Variants in NRXN2 observed in about 807,000 individuals in gnomAD.
NRXN2 encodes neurexin-2-beta.
A neutral mutation model predicts 128.8 loss-of-function variants in NRXN2; 29 were observed. The ratio of observed to expected loss-of-function variants is 0.23; its 90% confidence interval spans 0.17 to 0.31. The LOEUF is 0.31. Ranked by LOEUF, NRXN2 falls within the 10% of genes least tolerant of loss-of-function variation. The pLI, the probability that NRXN2 is intolerant of heterozygous loss-of-function variation, is 1.00. For missense variants in NRXN2, 1,881 were observed against 2,452.6 expected, an observed-to-expected ratio of 0.77 and a Z score of 4.92; for synonymous variants, 1,098 against 1,075.2, an observed-to-expected ratio of 1.02 and a Z score of -0.41.
intron 17 of NRXN2, chr11:64,642,460 C>G: frequency 6.7e-7 from 1 of 1,501,032 alleles, no homozygotes; most frequent in Admixed American, 2.1e-5. Flanking sequence ...GTGGGGCCCG[C>G]GGGGGCCCAG....
chr11:64,606,241 TCAGA>T lies in NRXN2; in HGVS notation c.*951_*954del, dbSNP rs2039622609. The T allele has an allele frequency of 6.6e-6, 1 of 152,402 alleles. No individual in the cohort carries two copies. The highest frequency in any genetic ancestry group is 2.4e-5 in the African/African-American group (1 of 41,382). 9.4% of individuals were successfully genotyped at this position (152,402 alleles called of 1,614,324 possible). ...CCGGGGTTGGGGTGTTTTCCAAGAC[TCAGA>T]CACATTTGTTAACAAAGAGAGAAAA... is the stretch of plus-strand genomic sequence containing the variant. On this transcript the variant is annotated 3_prime_UTR_variant, in exon 23 of 23. Transcript: ENST00000265459.
chr11:64,645,437 G>A (rs1253406883), intron 17 of NRXN2, among the ~76,000 whole-genome samples: 1 of 152,172 alleles, frequency 6.6e-6, no homozygotes, highest in African/African-American at 2.4e-5. Flanking sequence ...GGGAGGCAGA[G>A]ATGGTAAGGA....
chr11:64,656,541 G>A (rs1489356641), intron 11 of NRXN2, among the ~76,000 whole-genome samples: 1 of 152,094 alleles, frequency 6.6e-6, no homozygotes, highest in African/African-American at 2.4e-5. Context: ...TTCATGGGGT[G>A]GGGAGGGATG....
Position 64,651,178 on chromosome 11 carries a change from A to G in NRXN2, c.2918+77T>C. Reference sequence around the variant, plus strand: ...GGGGGGATTGGACACCTCGGCCAGTAGCCAGGAGAGCTGTATGTGGTTCAG... The same window carrying G: ...GGGGGGATTGGACACCTCGGCCAGTGGCCAGGAGAGCTGTATGTGGTTCAG... On this transcript the variant is annotated intron_variant, in intron 14 of 22. Coordinates refer to ENST00000265459, the MANE Select transcript of NRXN2 (RefSeq NM_015080.4). The surrounding 1 kb of genome is among the most constrained non-coding windows in gnomAD (Gnocchi z 5.9). 6.3e-7 allele frequency: 1 copy of G among 1,594,118 alleles called. No individual in the cohort carries two copies. Among genetic ancestry groups the G allele is most frequent in the Non-Finnish European group, 8.6e-7 (1 of 1,168,036 alleles).
chr11:64,689,322 G>A (rs780522084), intron 5 of NRXN2, among the ~76,000 whole-genome samples: 1 of 151,442 alleles, frequency 6.6e-6, no homozygotes. Flanking sequence ...CTCCCACCTC[G>A]GCCTCTCATA....
At chr11:64,620,412 G>C (rs2042148133) in intron 21 of NRXN2, 40 bp from the exon 22 acceptor site, 5 of 1,507,972 alleles carry the variant, frequency 3.3e-6, no homozygotes, top group Non-Finnish European at 3.6e-6. Context: ...AGAGGTTCCA[G>C]GCAGGTCAGC....
In NRXN2 at chr11:64,667,816, A is replaced by G; in HGVS notation, c.1360-128T>C. On this transcript the variant is annotated intron_variant, in intron 8 of 22. Coordinates refer to ENST00000265459, the MANE Select transcript of NRXN2 (RefSeq NM_015080.4). This position sits in a 1 kb window ranked among gnomAD's most constrained non-coding sequence, Gnocchi z 5.6. ...TGTAGCCCCTGCTCAGTTCCACCAG[A>G]CCACCCGCTTAGGCCTCTGTTCTAC... is the stretch of plus-strand genomic sequence containing the variant. 1 of 826,932 alleles carries G rather than the reference A, an allele frequency of 1.2e-6. No individual in the cohort carries two copies. Among genetic ancestry groups the G allele is most frequent in the East Asian group, 2.6e-5 (1 of 38,768 alleles). The allele number at this position is 826,932 out of a possible 1,614,324, so 51.2% of individuals were successfully genotyped here.
chr11:64,712,066 C>A (rs983160903), intron 2 of NRXN2, among the ~76,000 whole-genome samples: 1 of 152,202 alleles, frequency 6.6e-6, no homozygotes, highest in African/African-American at 2.4e-5. Flanking sequence ...AAGACTGCGA[C>A]CCACTGTCGA....
chr11:64,652,931 C>G (rs114819524), intron 12 of NRXN2, among the ~76,000 whole-genome samples: 4 of 152,006 alleles, frequency 2.6e-5, no homozygotes, highest in East Asian at 3.8e-4. Context: ...CCTGCCCCCC[C>G]ACCCCGAGGG....
intron 17 of NRXN2, among the ~76,000 whole-genome samples, chr11:64,644,150 A>T (rs917087412): frequency 4.6e-5 from 7 of 152,070 alleles, no homozygotes; most frequent in African/African-American, 1.7e-4. Context: ...CCGTGCACAC[A>T]CACGTTTGAT....
intron 7 of NRXN2, among the ~76,000 whole-genome samples, chr11:64,671,497 T>TC (rs936340873): frequency 3.4e-5 from 5 of 147,490 alleles, no homozygotes; most frequent in African/African-American, 1.3e-4. Flanking sequence ...CCCCCCAACC[T>TC]CCCCCCCACG....
At chr11:64,696,752 C>A (rs568308835) in intron 3 of NRXN2, among the ~76,000 whole-genome samples, 2 of 152,170 alleles carry the variant, frequency 1.3e-5, no homozygotes, top group African/African-American at 4.8e-5. Context: ...TCCCCAGGGA[C>A]GCCCTTGCCC....
chr11:64,633,869 G>T lies in NRXN2; in HGVS notation c.3585+1402C>A, dbSNP rs116168440. ...GTACAGAACTTCCAGGCCTCTTCTTGGGCCTGACTACTGTTCTGCTTGCTA... is the reference window on the plus strand; with the variant it reads ...GTACAGAACTTCCAGGCCTCTTCTTTGGCCTGACTACTGTTCTGCTTGCTA... On this transcript the variant is annotated intron_variant, in intron 18 of 22. Transcript: ENST00000265459. Among the ~76,000 whole-genome samples the T allele has an allele frequency of 5.3e-3, 805 of 151,840 alleles. 8 individuals are homozygous for T. The highest frequency in any genetic ancestry group is 0.019 in the African/African-American group (773 of 41,398).
chr11:64,679,481 CA>C (rs1280556651), intron 6 of NRXN2, among the ~76,000 whole-genome samples: 1 of 151,732 alleles, frequency 6.6e-6, no homozygotes, highest in Non-Finnish European at 1.5e-5. Context: ...ACTAAAAATA[CA>C]AAAAATTAGC....
chr11:64,701,276 G>A (rs992146796), intron 2 of NRXN2, among the ~76,000 whole-genome samples: 1 of 152,272 alleles, frequency 6.6e-6, no homozygotes, highest in South Asian at 2.1e-4. Context: ...AATCCCATCC[G>A]AAATTTGACT....
chr11:64,674,142 G>C (rs2050993331), intron 7 of NRXN2, among the ~76,000 whole-genome samples: 1 of 151,856 alleles, frequency 6.6e-6, no homozygotes, highest in Non-Finnish European at 1.5e-5. Context: ...GCCTTGAGTA[G>C]CTGAAATTAC....
chr11:64,621,457 A>G (rs61884374), intron 21 of NRXN2, among the ~76,000 whole-genome samples: 17,575 of 152,196 alleles, frequency 0.12, 1,361 homozygotes, highest in East Asian at 0.19. Flanking sequence ...CAAAGTCTTC[A>G]GGTCTCCTCA....
At position 64,684,844 on chromosome 11, in the gene NRXN2, G is replaced by A. The variant is rs147603634; in HGVS notation, c.1152+802C>T. On this transcript the variant is annotated intron_variant, in intron 6 of 22. Transcript: ENST00000265459. ...ACTTCTAAGAGGACCTGTCCAGTGG[G>A]AGCATCTGGGAACAGGAGCTCCTGT... 1.6e-3 allele frequency among the ~76,000 whole-genome samples: 239 copies of A among 152,332 alleles called. 1 individual carries two copies. Among genetic ancestry groups the A allele is most frequent in the African/African-American group, 5.6e-3 (231 of 41,562 alleles).
In NRXN2 at chr11:64,701,483, A is replaced by G. The variant is rs146733346; in HGVS notation, c.731-3691T>C. ...GCTAGCTACAATGGTTCGCGCCTAT[A>G]ATCCCAGCACTTTGGGAAGCCACGG... is the stretch of plus-strand genomic sequence containing the variant. On this transcript the variant is annotated intron_variant, in intron 2 of 22. Transcript: ENST00000265459. Among the ~76,000 whole-genome samples, 131 of 152,302 alleles carry G rather than the reference A, an allele frequency of 8.6e-4. 1 individual carries two copies. Among genetic ancestry groups the G allele is most frequent in the African/African-American group, 2.9e-3 (121 of 41,562 alleles).
Sources: gnomAD v4.1 joint callset for allele counts (sites outside exome capture counted in the v4.1 genomes callset) on GRCh38, gnomAD v4.1.1 for gene constraint, Gnocchi (gnomAD v3.1) non-coding constraint, MANE v1.5 for transcripts, NCBI Gene and HGNC (gene_info 2026-07-23, HGNC 2026-07-21) for gene names.